Variants in IFNLR1 observed in about 807,000 individuals in gnomAD.
IFNLR1 encodes the protein CRF2-12.
A neutral mutation model predicts 52.5 loss-of-function variants in IFNLR1; 28 were observed. The ratio of observed to expected loss-of-function variants is 0.53; its 90% CI spans 0.40 to 0.73. The LOEUF is 0.73. IFNLR1 is among the 30% of genes least tolerant of loss of function. The pLI, the probability that IFNLR1 is intolerant of heterozygous loss-of-function variation, is 0.00. For missense variants in IFNLR1, 623 were observed against 659.1 expected, an observed-to-expected ratio of 0.95 and a Z score of 0.60; for synonymous variants, 276 against 274.9, an observed-to-expected ratio of 1.00 and a Z score of -0.04.
chr1:24,181,869 T>A (rs1644694113), intron 1 of IFNLR1, among the ~76,000 whole-genome samples: 4 of 152,152 alleles, frequency 2.6e-5, no homozygotes, highest in Admixed American at 2.0e-4. Flanking sequence ...AGCCATGGGT[T>A]AGACAGCTAG....
At chr1:24,170,383 T>A (rs2148595979) in intron 2 of IFNLR1, among the ~76,000 whole-genome samples, 1 of 152,314 alleles carries the variant, frequency 6.6e-6, no homozygotes, top group Non-Finnish European at 1.5e-5. Context: ...TTTTTTGAGA[T>A]GGAGTCTTGT....
intron 2 of IFNLR1, among the ~76,000 whole-genome samples, chr1:24,177,790 A>G (rs889615264): frequency 6.6e-6 from 1 of 152,224 alleles, no homozygotes; most frequent in Non-Finnish European, 1.5e-5. Context: ...TTAAGAGGCA[A>G]GTATGTATGT....
intron 3 of IFNLR1, among the ~76,000 whole-genome samples, chr1:24,163,144 T>C (rs1049390687): frequency 1.3e-5 from 2 of 151,674 alleles, no homozygotes; most frequent in Non-Finnish European, 2.9e-5. Flanking sequence ...TATTTTTTAG[T>C]AGAGACAGAC....
chr1:24,175,471 A>G (rs1322070450), intron 2 of IFNLR1, among the ~76,000 whole-genome samples: 1 of 152,228 alleles, frequency 6.6e-6, no homozygotes, highest in Non-Finnish European at 1.5e-5. Flanking sequence ...GGGAAAGTCT[A>G]TCCCATGCAT....
In IFNLR1 at chr1:24,180,838, G is replaced by A. The variant is rs752209522; in HGVS notation, c.75C>T (p.Ala25=). Residue 25 remains alanine, a synonymous_variant, in exon 2 of 7, where the codon GCC becomes GCT. Transcript: ENST00000327535. ...LQAAPGRPRL[A]PPQNVTLLSQ... is the part of the protein sequence containing the mutation. ...AGAGCAGCGTCACATTCTGGGGAGG[G>A]GCCAGACGGGGCCTCCCTGGGGGAA... is the stretch of plus-strand genomic sequence containing the variant. The A allele has an allele frequency of 6.2e-7, 1 of 1,613,626 alleles. No homozygotes were observed. Among genetic ancestry groups the A allele is most frequent in the Non-Finnish European group, 8.5e-7 (1 of 1,179,810 alleles).
chr1:24,161,117 C>T lies in IFNLR1; in HGVS notation c.510+425G>A, dbSNP rs192289114. On this transcript the variant is annotated intron_variant, in intron 4 of 6. Transcript: ENST00000327535. ...TGCTATAACTGCAGCGTTGAGTAGT[C>T]CTGAGCGAACATACGGCCCATGAAG... Among the ~76,000 whole-genome samples the T allele has an allele frequency of 4.0e-3, 613 of 152,302 alleles. 4 individuals carry two copies. Among genetic ancestry groups the T allele is most frequent in the African/African-American group, 0.014 (589 of 41,552 alleles).
At chr1:24,183,689 A>G (rs1225883351) in intron 1 of IFNLR1, among the ~76,000 whole-genome samples, 1 of 152,160 alleles carries the variant, frequency 6.6e-6, no homozygotes, top group Non-Finnish European at 1.5e-5. Flanking sequence ...TAAGCCCTCT[A>G]AAGGCTTCCA....
At chr1:24,168,682 C>A (rs867358057) in intron 3 of IFNLR1, among the ~76,000 whole-genome samples, 25 of 151,970 alleles carry the variant, frequency 1.6e-4, no homozygotes, top group South Asian at 4.1e-4. Flanking sequence ...TTTACCCCCC[C>A]ACCCCCCACA....
In IFNLR1 at chr1:24,156,960, ATCTTG is replaced by A; in HGVS notation, c.*165_*169del. ...AGGGCGGGTCACAGGAGGGAGGGGC[ATCTTG>A]TTGCTCAGCCCGACAGGCAAACAGC... is the stretch of plus-strand genomic sequence containing the variant. On this transcript the variant is annotated 3_prime_UTR_variant, in exon 7 of 7. Transcript: ENST00000327535. The A allele has an allele frequency of 1.4e-5, 10 of 691,370 alleles. No homozygotes were observed. Among genetic ancestry groups the A allele is most frequent in the Non-Finnish European group, 2.4e-5 (10 of 413,190 alleles). The allele number at this position is 691,370 out of a possible 1,614,324, so 42.8% of individuals were successfully genotyped here.
chr1:24,159,726 G>GTTTTTTTTTGTTTTTTTTTTTTTTTGTTT, intron 4 of IFNLR1, 93 bp from the exon 5 acceptor site: 1 of 761,910 alleles, frequency 1.3e-6, no homozygotes. Flanking sequence ...ATGGTAGGGT[G>GTTTTTTTTTGTTTTTTTTTTTTTTTGTTT]TTTTTTTTTT....
chr1:24,158,101 C>G (rs1029925134), intron 6 of IFNLR1, among the ~76,000 whole-genome samples: 7 of 152,204 alleles, frequency 4.6e-5, no homozygotes, highest in African/African-American at 1.7e-4. Flanking sequence ...GGGCTACTGG[C>G]ACTTAATCCT....
At chr1:24,177,274 G>A (rs1569686397) in intron 2 of IFNLR1, among the ~76,000 whole-genome samples, 2 of 152,158 alleles carry the variant, frequency 1.3e-5, no homozygotes, top group East Asian at 1.9e-4. Flanking sequence ...GAAGTCCCAC[G>A]ATAGGCCGTC....
At chr1:24,177,383 G>T (rs1557651512) in intron 2 of IFNLR1, among the ~76,000 whole-genome samples, 1 of 152,192 alleles carries the variant, frequency 6.6e-6, no homozygotes. Flanking sequence ...TGTGACCAAA[G>T]ATCCGAGAGC....
intron 6 of IFNLR1, 121 bp downstream of exon 6, chr1:24,158,931 G>C (rs1489108963): frequency 2.0e-6 from 2 of 1,009,734 alleles, no homozygotes; most frequent in African/African-American, 3.2e-5. Flanking sequence ...CACAAAGATA[G>C]ATGTTTTGGT....
chr1:24,180,798 C>A lies in IFNLR1; in HGVS notation c.115G>T (p.Val39Leu). Residue 39 changes from valine (V) to leucine (L), a missense_variant, in exon 2 of 7, where the codon GTG (valine) becomes TTG (leucine). Physicochemically the swap from Val to Leu is conservative, Grantham distance 32 (BLOSUM62 1). Transcript: ENST00000327535. Reference sequence around the variant, plus strand: ...AGCCCTGGGAGCCATGTCAGGTACACGCTGAAGTTCTGGGAGAGCAGCGTC... The same window carrying A: ...AGCCCTGGGAGCCATGTCAGGTACAAGCTGAAGTTCTGGGAGAGCAGCGTC... The part of the protein sequence containing the change: ...NVTLLSQNFS[V>L]YLTWLPGLGN... 6.2e-7 allele frequency: 1 copy of A among 1,613,546 alleles called. No individual in the cohort carries two copies.
intron 3 of IFNLR1, among the ~76,000 whole-genome samples, chr1:24,162,962 C>CT (rs754939969): frequency 0.023 from 2,024 of 89,398 alleles, 183 homozygotes; most frequent in African/African-American, 0.066. Context: ...TTTCTTTCCT[C>CT]TTTTTTTTTT....
intron 2 of IFNLR1, among the ~76,000 whole-genome samples, chr1:24,176,986 A>G (rs969752555): frequency 2.6e-5 from 4 of 152,342 alleles, no homozygotes; most frequent in African/African-American, 7.2e-5. Flanking sequence ...AATCAAAACA[A>G]GAGAATAGAA....
intron 2 of IFNLR1, among the ~76,000 whole-genome samples, chr1:24,173,797 C>T (rs539424394): frequency 1.5e-4 from 23 of 151,002 alleles, no homozygotes; most frequent in South Asian, 4.2e-4. Context: ...TACAGGTGTA[C>T]GCCACCATGC....
At chr1:24,186,784 G>C (rs1644743604) in intron 1 of IFNLR1, among the ~76,000 whole-genome samples, 1 of 152,190 alleles carries the variant, frequency 6.6e-6, no homozygotes, top group Non-Finnish European at 1.5e-5. Context: ...CAGAGGCCTG[G>C]CAGGAACGGG....
Sources: allele counts gnomAD v4.1 joint callset (sites outside exome capture counted in the v4.1 genomes callset), GRCh38; gene constraint gnomAD v4.1.1; transcripts MANE v1.5; gene names NCBI Gene and HGNC (gene_info 2026-07-23, HGNC 2026-07-21).